Variants in SLC6A6 observed in about 807,000 individuals in gnomAD.
SLC6A6 encodes sodium- and chloride-dependent taurine transporter.
A neutral mutation model predicts 68.8 loss-of-function variants in SLC6A6; 16 were observed. The ratio of observed to expected loss-of-function variants is 0.23; its 90% CI spans 0.16 to 0.35. SLC6A6 has a LOEUF of 0.35. SLC6A6 is among the 10% of genes least tolerant of loss of function. SLC6A6 has a pLI of 1.00. For synonymous variants in SLC6A6, 312 were observed against 315.4 expected (o/e 0.99, Z 0.12); for missense variants, 474 against 802.8 (o/e 0.59, Z 4.95).
At chr3:14,469,598 C>T (rs554198434) in intron 9 of SLC6A6, among the ~76,000 whole-genome samples, 11 of 152,292 alleles carry the variant, frequency 7.2e-5, no homozygotes, top group Admixed American at 2.6e-4. Context: ...ACATCCTGTC[C>T]ACTATTTCTC....
intron 2 of SLC6A6, among the ~76,000 whole-genome samples, chr3:14,441,922 G>A (rs943877270): frequency 6.6e-6 from 1 of 152,260 alleles, no homozygotes; most frequent in Non-Finnish European, 1.5e-5. Context: ...AGCAAGGCAG[G>A]TGTGGTCCTT....
chr3:14,466,468 A>G (rs972001060), intron 6 of SLC6A6, 48 bp from the exon 7 acceptor site: 1 of 1,576,198 alleles, frequency 6.3e-7, no homozygotes, highest in African/African-American at 1.3e-5. Context: ...CAGACTTAGC[A>G]GCAGCAAGTG....
At chr3:14,436,531 C>CTTTTTTTTTT (rs58996264) in intron 2 of SLC6A6, among the ~76,000 whole-genome samples, 8 of 112,568 alleles carry the variant, frequency 7.1e-5, no homozygotes, top group Admixed American at 9.8e-5. Flanking sequence ...CAACAACTCC[C>CTTTTTTTTTT]TTTTTTTTTT....
intron 5 of SLC6A6, among the ~76,000 whole-genome samples, chr3:14,454,708 T>A (rs953220771): frequency 6.6e-6 from 1 of 152,206 alleles, no homozygotes; most frequent in African/African-American, 2.4e-5. Context: ...AAAGGTGATA[T>A]GTGCACATTA....
In SLC6A6 at chr3:14,471,342, T is replaced by A. The variant is rs1384198117; in HGVS notation, c.1097-863T>A. Among the ~76,000 whole-genome samples, 3 of 152,142 alleles carry A rather than the reference T, an allele frequency of 2.0e-5. No individual in the cohort carries two copies. The East Asian group carries it at 5.8e-4, about 29-fold the overall frequency. ...CTGACAGAGCTCCCATCTCCCCAGC[T>A]CTCCCTCAGGTTCTATCCAAGTCCC... is the stretch of plus-strand genomic sequence containing the variant. On this transcript the variant is annotated intron_variant, in intron 9 of 14. Transcript: ENST00000622186.
At chr3:14,469,396 G>C (rs920748447) in intron 9 of SLC6A6, among the ~76,000 whole-genome samples, 1 of 152,078 alleles carries the variant, frequency 6.6e-6, no homozygotes, top group African/African-American at 2.4e-5. Context: ...CACTGCCCTT[G>C]ACCTCCTGTG....
In SLC6A6 at chr3:14,416,303, A is replaced by C. The variant is rs528118241; in HGVS notation, c.-53-109A>C. ...CAAGGGGTTTGGTCAGCCCCTCCCCAGCACACACGTCTGGTGGTTACAAGT... is the reference window on the plus strand; with the variant it reads ...CAAGGGGTTTGGTCAGCCCCTCCCCCGCACACACGTCTGGTGGTTACAAGT... On this transcript the variant is annotated intron_variant, in intron 1 of 14. Transcript: ENST00000622186. 1.8e-5 allele frequency: 7 copies of C among 397,770 alleles called. No homozygotes were observed. The East Asian group carries it at 2.5e-4, about 14-fold the overall frequency. 24.6% of individuals were successfully genotyped at this position (397,770 alleles called of 1,614,324 possible). A position where few individuals can be genotyped will look rare whatever the true frequency, so the allele number is the denominator to read the frequency against.
At chr3:14,435,770 A>G (rs955961301) in intron 2 of SLC6A6, among the ~76,000 whole-genome samples, 2 of 152,178 alleles carry the variant, frequency 1.3e-5, no homozygotes, top group Admixed American at 1.3e-4. Flanking sequence ...TGGTTTAGAA[A>G]CTGAAAAATG....
chr3:14,469,246 A>G (rs533083027), intron 9 of SLC6A6, among the ~76,000 whole-genome samples: 13 of 151,734 alleles, frequency 8.6e-5, no homozygotes, highest in Non-Finnish European at 1.3e-4. Flanking sequence ...TCCTAATTTC[A>G]TACAACTTCC....
intron 10 of SLC6A6, among the ~76,000 whole-genome samples, chr3:14,476,798 G>T (rs576459523): frequency 3.3e-4 from 51 of 152,360 alleles, no homozygotes; most frequent in Admixed American, 5.9e-4. Flanking sequence ...AGTGAGGGAG[G>T]TTGTCATGGC....
At chr3:14,484,126 G>C (rs1033966832) in intron 14 of SLC6A6, among the ~76,000 whole-genome samples, 2 of 152,234 alleles carry the variant, frequency 1.3e-5, no homozygotes, top group Admixed American at 6.5e-5. Context: ...GCAAGAGGTG[G>C]ACTGGGGAGT....
intron 1 of SLC6A6, among the ~76,000 whole-genome samples, chr3:14,413,107 C>T (rs1055537813): frequency 3.9e-5 from 6 of 152,234 alleles, no homozygotes; most frequent in African/African-American, 1.2e-4. Context: ...TCACTGTGTC[C>T]GGACAAGGCC....
chr3:14,429,545 C>G (rs1308589588), intron 2 of SLC6A6, among the ~76,000 whole-genome samples: 2 of 152,248 alleles, frequency 1.3e-5, no homozygotes, highest in African/African-American at 4.8e-5. Context: ...CAGCCTTAAT[C>G]TCTTTCCTGA....
In SLC6A6 at chr3:14,469,319, G is replaced by A. The variant is rs556304308; in HGVS notation, c.1096+1107G>A. 6.8e-4 allele frequency among the ~76,000 whole-genome samples: 104 copies of A among 152,214 alleles called. No homozygotes were observed. The South Asian group carries it at 0.018, about 27-fold the overall frequency. ...GCTCCTTCCAAGCCGAAGGGAGAGC[G>A]TGGGGGTTATTAACTTCAGGGACCA... is the stretch of plus-strand genomic sequence containing the variant. On this transcript the variant is annotated intron_variant, in intron 9 of 14. Coordinates refer to ENST00000622186, the MANE Select transcript of SLC6A6 (RefSeq NM_003043.6).
At chr3:14,410,700 C>T (rs943313787) in intron 1 of SLC6A6, among the ~76,000 whole-genome samples, 2 of 152,252 alleles carry the variant, frequency 1.3e-5, no homozygotes, top group Non-Finnish European at 2.9e-5. Flanking sequence ...GACCACTTCT[C>T]TGCGTGGTCC....
chr3:14,463,193 C>T (rs1700534480), intron 6 of SLC6A6, among the ~76,000 whole-genome samples: 2 of 152,194 alleles, frequency 1.3e-5, no homozygotes, highest in Non-Finnish European at 1.5e-5. Context: ...TGGCCTGGAT[C>T]CATCCCGCAT....
chr3:14,408,800 G>GT (rs201663995), intron 1 of SLC6A6, among the ~76,000 whole-genome samples: 3,840 of 146,478 alleles, frequency 0.026, 75 homozygotes, highest in East Asian at 0.09. Flanking sequence ...GTTTTGTTTT[G>GT]TTTTTTTTTT....
chr3:14,481,737 A>G lies in SLC6A6; in HGVS notation c.1618A>G (p.Asn540Asp). The G allele has an allele frequency of 6.2e-7, 1 of 1,613,794 alleles. No homozygotes were observed. The highest frequency in any genetic ancestry group is 8.5e-7 in the Non-Finnish European group (1 of 1,179,820). Residue 540 changes from asparagine to aspartate, a missense_variant, in exon 14 of 15, where the codon AAC becomes GAC. Asn to Asp is a conservative substitution (Grantham distance 23). Transcript: ENST00000622186. This position sits in a 1 kb window ranked among gnomAD's most constrained non-coding sequence, Gnocchi z 4.7. ...LTYNKTYVYP[N>D]WAIGLGWSLA... Reference sequence around the variant, plus strand: ...CTACAACAAAACATACGTGTACCCCAACTGGGCCATTGGGCTGGGCTGGAG... The same window carrying G: ...CTACAACAAAACATACGTGTACCCCGACTGGGCCATTGGGCTGGGCTGGAG...
chr3:14,481,691 C>A lies in SLC6A6; in HGVS notation c.1572C>A (p.Leu524=). The change falls in exon 14 of 15, where the codon CTC becomes CTA. Residue 524 remains leucine, a synonymous_variant. Coordinates refer to ENST00000622186, the MANE Select transcript of SLC6A6 (RefSeq NM_003043.6). This position sits in a 1 kb window ranked among gnomAD's most constrained non-coding sequence, Gnocchi z 4.7. ...CGCAGGGATGTTTCATCTTCTCGCT[C>A]GTCAAGTACGTACCCCTGACCTACA... The part of the protein sequence containing the change: ...VLCVGCFIFS[L]VKYVPLTYNK... 1 of 1,612,648 alleles carries A rather than the reference C, an allele frequency of 6.2e-7. No homozygotes were observed. Among genetic ancestry groups the A allele is most frequent in the Non-Finnish European group, 8.5e-7 (1 of 1,179,154 alleles).
Sources: allele counts gnomAD v4.1 joint callset (sites outside exome capture counted in the v4.1 genomes callset), GRCh38; gene constraint gnomAD v4.1.1; non-coding constraint Gnocchi (gnomAD v3.1); transcripts MANE v1.5; gene names NCBI Gene and HGNC (gene_info 2026-07-23, HGNC 2026-07-21).